AEBP2: variants seen among roughly 807,000 people sequenced by gnomAD.
The protein encoded by AEBP2 is AE binding protein 2, also known as zinc finger protein AEBP2.
AEBP2 carries 10 observed loss-of-function variants against 50.8 expected under a neutral mutation model. The ratio of observed to expected loss-of-function variants is 0.20; its 90% CI spans 0.12 to 0.33. The LOEUF (loss-of-function observed/expected upper bound fraction) is 0.33, where lower values mean the gene tolerates loss of function less well. Ranked by LOEUF, AEBP2 falls within the 10% of genes least tolerant of loss-of-function variation. The pLI is 1.00. For synonymous variants in AEBP2, 296 were observed against 261.3 expected (o/e 1.13, Z -1.28); for missense variants, 570 against 688.0 (o/e 0.83, Z 1.92).
chr12:19,465,629 C>T (rs1030068483), intron 2 of AEBP2, among the ~76,000 whole-genome samples: 2 of 151,806 alleles, frequency 1.3e-5, no homozygotes, highest in Non-Finnish European at 2.9e-5. Context: ...TCGACTCAAG[C>T]GATCTGCCCG....
At chr12:19,456,604 C>A in intron 1 of AEBP2, 1 of 1,534,924 alleles carries the variant, frequency 6.5e-7, no homozygotes, top group Non-Finnish European at 9.0e-7. Context: ...AGGATAATCA[C>A]CTGAGCAGTG....
intron 2 of AEBP2, among the ~76,000 whole-genome samples, chr12:19,463,191 C>T (rs930978806): frequency 4.6e-5 from 7 of 152,136 alleles, no homozygotes; most frequent in Admixed American, 4.6e-4. Flanking sequence ...ATCATCTTTC[C>T]CAGGTCTTGT....
At chr12:19,506,597 A>G (rs1160556250) in intron 5 of AEBP2, among the ~76,000 whole-genome samples, 2 of 152,194 alleles carry the variant, frequency 1.3e-5, no homozygotes, top group African/African-American at 4.8e-5. Flanking sequence ...TTTGTAGTAC[A>G]TTCCTACCTC....
At position 19,439,762 on chromosome 12, in the gene AEBP2, C is replaced by A; in HGVS notation, c.63C>A (p.Pro21=). 2 of 1,516,664 alleles carry A rather than the reference C, an allele frequency of 1.3e-6. No individual in the cohort carries two copies. The highest frequency in any genetic ancestry group is 2.4e-5 in the South Asian group (2 of 83,172). 94.0% of individuals were successfully genotyped at this position (1,516,664 alleles called of 1,614,324 possible). ...AGCTCTCCCGCCTGAGCCCTCTGCCCCCCGGCAGCCCGGGTTCGGCGGCGC... is the reference window on the plus strand; with the variant it reads ...AGCTCTCCCGCCTGAGCCCTCTGCCACCCGGCAGCCCGGGTTCGGCGGCGC... ...LEELSRLSPL[P]PGSPGSAARG... is the part of the protein sequence containing the mutation. Residue 21 remains proline, a synonymous_variant, in exon 1 of 8, where the codon CCC becomes CCA. Transcript: ENST00000266508.
intron 1 of AEBP2, among the ~76,000 whole-genome samples, chr12:19,452,327 A>AC (rs75809293): frequency 0.087 from 13,221 of 152,264 alleles, 653 homozygotes; most frequent in South Asian, 0.19. Context: ...ACGATCTCAC[A>AC]CAAGCACATA....
intron 2 of AEBP2, among the ~76,000 whole-genome samples, chr12:19,469,417 G>T (rs1948537805): frequency 1.3e-5 from 2 of 152,268 alleles, no homozygotes; most frequent in South Asian, 4.2e-4. Flanking sequence ...CTTACCACGT[G>T]TGCTCAGAGT....
At chr12:19,515,089 A>G (rs759795617) in intron 7 of AEBP2, among the ~76,000 whole-genome samples, 4 of 152,226 alleles carry the variant, frequency 2.6e-5, no homozygotes, top group Non-Finnish European at 4.4e-5. Context: ...AATTCTTTTT[A>G]TAATAACAGA....
chr12:19,517,649 T>C (rs1949339985), intron 7 of AEBP2, among the ~76,000 whole-genome samples: 1 of 152,154 alleles, frequency 6.6e-6, no homozygotes, highest in Non-Finnish European at 1.5e-5. Context: ...GAGACAACTG[T>C]ATTTATTTGG....
chr12:19,412,089 A>C (rs1489856157), intron 1 of AEBP2, among the ~76,000 whole-genome samples: 1 of 152,228 alleles, frequency 6.6e-6, no homozygotes, highest in Non-Finnish European at 1.5e-5. Context: ...CTTATTCTGC[A>C]GCTGCTCTCA....
At position 19,425,447 on chromosome 12, in the gene AEBP2, T is replaced by C. The variant is rs181634278; in HGVS notation, c.-17+21231T>C. Among the ~76,000 whole-genome samples the C allele has an allele frequency of 1.0e-3, 157 of 152,060 alleles. 1 individual carries two copies. The highest frequency in any genetic ancestry group is 3.7e-3 in the African/African-American group (154 of 41,492). On this transcript the variant is annotated intron_variant, in intron 1 of 3. Coordinates refer to the AEBP2 transcript ENST00000538425. The stretch of plus-strand genomic sequence containing the variant: ...GGCTCATGCCTGTAATCCCAGCACT[T>C]TGGGAGGCCGAGCTGGGTGGATCAA...
chr12:19,491,475 T>C (rs1261352330), intron 3 of AEBP2, among the ~76,000 whole-genome samples: 1 of 152,180 alleles, frequency 6.6e-6, no homozygotes. Context: ...GAAGCTCTTT[T>C]AGTGTAGTAT....
At chr12:19,419,955 A>G (rs2095744686) in intron 1 of AEBP2, among the ~76,000 whole-genome samples, 1 of 151,992 alleles carries the variant, frequency 6.6e-6, no homozygotes, top group South Asian at 2.1e-4. Context: ...TATCCTTGGT[A>G]CGGTATCTAT....
chr12:19,489,890 G>T (rs562050706), intron 3 of AEBP2, among the ~76,000 whole-genome samples: 28 of 144,116 alleles, frequency 1.9e-4, no homozygotes, highest in Non-Finnish European at 3.3e-4. Context: ...AATGATTTTT[G>T]ATTGATAAAT....
intron 1 of AEBP2, among the ~76,000 whole-genome samples, chr12:19,453,114 A>G (rs10770485): frequency 0.85 from 128,920 of 151,694 alleles, 55,099 homozygotes; most frequent in African/African-American, 0.93. Flanking sequence ...GACCACGGGT[A>G]CCCGCCACCA....
chr12:19,516,793 G>A (rs1267745834), intron 7 of AEBP2, among the ~76,000 whole-genome samples: 2 of 152,130 alleles, frequency 1.3e-5, no homozygotes, highest in Non-Finnish European at 2.9e-5. Flanking sequence ...TTGGGAGGCC[G>A]AGGTGGGTGG....
At chr12:19,454,234 G>C (rs1251280656) in intron 1 of AEBP2, among the ~76,000 whole-genome samples, 2 of 152,092 alleles carry the variant, frequency 1.3e-5, no homozygotes, top group African/African-American at 4.8e-5. Context: ...TAGTAAGGAC[G>C]TTTTATTTGG....
chr12:19,483,869 A>AG (rs1214742666), intron 3 of AEBP2, among the ~76,000 whole-genome samples: 1 of 152,174 alleles, frequency 6.6e-6, no homozygotes, highest in African/African-American at 2.4e-5. Flanking sequence ...ATCCCCTAAA[A>AG]TGATGTGAGT....
chr12:19,415,494 A>C (rs1424934821), intron 1 of AEBP2, among the ~76,000 whole-genome samples: 1 of 150,604 alleles, frequency 6.6e-6, no homozygotes. Context: ...TAATTCACCT[A>C]CTAAATGTGA....
rs557534533 is a variant in AEBP2, at chr12:19,407,312, T to C, written c.-17+3096T>C. On this transcript the variant is annotated intron_variant, in intron 1 of 3. Transcript: ENST00000538425. The stretch of plus-strand genomic sequence containing the variant: ...AAAGACCCCATCTCTTTTTTCTTTT[T>C]TCTTTTTTTTTTCTTTTGAGATGGA... Among the ~76,000 whole-genome samples, 59 of 152,180 alleles carry C rather than the reference T, an allele frequency of 3.9e-4. 1 individual carries two copies. The East Asian group carries it at 0.01, about 26-fold the overall frequency.
Sources: allele counts gnomAD v4.1 joint callset (sites outside exome capture counted in the v4.1 genomes callset), GRCh38; gene constraint gnomAD v4.1.1; transcripts MANE v1.5; gene names NCBI Gene and HGNC (gene_info 2026-07-23, HGNC 2026-07-21).